Variants in DLGAP1 observed in about 807,000 individuals in gnomAD.
DLGAP1 encodes the protein disks large-associated protein 1.
DLGAP1 carries 11 observed loss-of-function variants against 90.8 expected under a neutral mutation model. That is an observed-to-expected ratio of 0.12 (90% CI 0.08 to 0.20). DLGAP1 has a LOEUF of 0.20. Ranked by LOEUF, DLGAP1 falls within the 10% of genes least tolerant of loss-of-function variation. The pLI, the probability that DLGAP1 is intolerant of heterozygous loss-of-function variation, is 1.00. For missense variants in DLGAP1, 1,050 were observed against 1,333.8 expected (o/e 0.79, Z 3.31); for synonymous variants, 558 against 540.7 (o/e 1.03, Z -0.44).
At chr18:4,088,440 T>A (rs1207654416) in intron 2 of DLGAP1, among the ~76,000 whole-genome samples, 1 of 152,166 alleles carries the variant, frequency 6.6e-6, no homozygotes, top group Non-Finnish European at 1.5e-5. Flanking sequence ...TGTGTGTGTG[T>A]GTGTGTGTGT....
chr18:4,159,367 A>G (rs1309055142), intron 1 of DLGAP1, among the ~76,000 whole-genome samples: 4 of 152,206 alleles, frequency 2.6e-5, no homozygotes, highest in Non-Finnish European at 5.9e-5. Context: ...AAACTCCAAC[A>G]GAACCAAACT....
intron 7 of DLGAP1, chr18:3,606,774 AT>A (rs1229623117): frequency 1.3e-5 from 2 of 152,158 alleles, no homozygotes; most frequent in Non-Finnish European, 2.9e-5. Context: ...TTTTGTAATT[AT>A]AAAAAAGTAT....
intron 4 of DLGAP1, among the ~76,000 whole-genome samples, chr18:3,866,236 A>C (rs1407691868): frequency 2.0e-5 from 3 of 152,198 alleles, no homozygotes; most frequent in Non-Finnish European, 4.4e-5. Flanking sequence ...TGCTGCTAAT[A>C]CAACTTACCA....
At chr18:3,656,739 T>C (rs2059497630) in intron 7 of DLGAP1, among the ~76,000 whole-genome samples, 1 of 151,848 alleles carries the variant, frequency 6.6e-6, no homozygotes, top group Non-Finnish European at 1.5e-5. Context: ...GCAGTGAATT[T>C]TTTTTTTTTT....
intron 9 of DLGAP1, among the ~76,000 whole-genome samples, chr18:3,547,765 T>C (rs887965968): frequency 1.3e-5 from 2 of 152,212 alleles, no homozygotes; most frequent in Non-Finnish European, 2.9e-5. Flanking sequence ...TTAAAACAGA[T>C]GTTCAAAGAC....
chr18:4,335,829 A>G (rs1329885016), intron 1 of DLGAP1, among the ~76,000 whole-genome samples: 1 of 152,252 alleles, frequency 6.6e-6, no homozygotes, highest in Non-Finnish European at 1.5e-5. Context: ...CGTTAGAAAA[A>G]AAAGTGTGCA....
chr18:3,839,158 T>C (rs2068565199), intron 4 of DLGAP1, among the ~76,000 whole-genome samples: 1 of 152,244 alleles, frequency 6.6e-6, no homozygotes, highest in Non-Finnish European at 1.5e-5. Flanking sequence ...AACTTCATTA[T>C]TCTCTTTATC....
intron 9 of DLGAP1, among the ~76,000 whole-genome samples, chr18:3,560,055 A>C (rs528657824): frequency 1.1e-3 from 173 of 152,308 alleles, no homozygotes; most frequent in African/African-American, 3.7e-3. Flanking sequence ...ATGAGTAAGT[A>C]AATGTACATA....
chr18:3,644,862 T>C (rs1195711536), intron 7 of DLGAP1, among the ~76,000 whole-genome samples: 1 of 135,372 alleles, frequency 7.4e-6, no homozygotes, highest in East Asian at 3.0e-4. Flanking sequence ...AAGTTCTCTA[T>C]GGAAATATGG....
chr18:4,312,082 C>T (rs2080415015), intron 1 of DLGAP1, among the ~76,000 whole-genome samples: 1 of 152,130 alleles, frequency 6.6e-6, no homozygotes, highest in African/African-American at 2.4e-5. Flanking sequence ...AACTCCTGGC[C>T]TCAAGTGATC....
intron 3 of DLGAP1, among the ~76,000 whole-genome samples, chr18:3,959,874 C>A (rs1011937521): frequency 1.3e-5 from 2 of 152,010 alleles, no homozygotes; most frequent in African/African-American, 4.8e-5. Flanking sequence ...TATTTTACAC[C>A]GTCTCTTTTT....
At chr18:3,600,971 T>TAGATATTA (rs2056966621) in intron 7 of DLGAP1, among the ~76,000 whole-genome samples, 1 of 112,822 alleles carries the variant, frequency 8.9e-6, no homozygotes. Context: ...GATATATAGA[T>TAGATATTA]AGATATATAG....
intron 9 of DLGAP1, among the ~76,000 whole-genome samples, chr18:3,557,051 TTTTA>T (rs1208187400): frequency 6.6e-6 from 1 of 152,206 alleles, no homozygotes; most frequent in African/African-American, 2.4e-5. Flanking sequence ...TCTGTTATAA[TTTTA>T]TTTATTTCTT....
chr18:3,539,951 T>C (rs1021811309), intron 9 of DLGAP1, among the ~76,000 whole-genome samples: 1 of 152,208 alleles, frequency 6.6e-6, no homozygotes, highest in African/African-American at 2.4e-5. Flanking sequence ...GCTAGCACTC[T>C]GCTATTCTTT....
chr18:3,623,082 C>T (rs28728338), intron 7 of DLGAP1, among the ~76,000 whole-genome samples: 5 of 151,888 alleles, frequency 3.3e-5, no homozygotes, highest in Non-Finnish European at 2.9e-5. Context: ...TGGGATTACA[C>T]GCGTGAGCCA....
At chr18:3,648,705 G>C (rs2059201025) in intron 7 of DLGAP1, among the ~76,000 whole-genome samples, 1 of 152,158 alleles carries the variant, frequency 6.6e-6, no homozygotes, top group Admixed American at 6.5e-5. Flanking sequence ...TTCTTTAAGA[G>C]TAAGAGTTTT....
intron 2 of DLGAP1, among the ~76,000 whole-genome samples, chr18:4,015,964 T>C (rs781278635): frequency 2.6e-5 from 4 of 152,246 alleles, no homozygotes; most frequent in African/African-American, 4.8e-5. Context: ...TAGATGTTGA[T>C]ATTTTAATTC....
chr18:3,570,291 T>G (rs2054693755), intron 8 of DLGAP1, among the ~76,000 whole-genome samples: 1 of 151,910 alleles, frequency 6.6e-6, no homozygotes, highest in Non-Finnish European at 1.5e-5. Flanking sequence ...ATTTTTTTTT[T>G]TTTTTGAGAT....
At chr18:4,306,462 T>TGAGAGA (rs1228381727) in intron 1 of DLGAP1, among the ~76,000 whole-genome samples, 2 of 52,102 alleles carry the variant, frequency 3.8e-5, no homozygotes, top group African/African-American at 1.1e-4. Context: ...TGTGTGTGTG[T>TGAGAGA]GAGAGAGAGA....
Sources: allele counts gnomAD v4.1 joint callset (sites outside exome capture counted in the v4.1 genomes callset), GRCh38; gene constraint gnomAD v4.1.1; transcripts MANE v1.5; gene names NCBI Gene and HGNC (gene_info 2026-07-23, HGNC 2026-07-21).